GRM3: variants seen among roughly 807,000 people sequenced by gnomAD.
GRM3 encodes the protein glutamate metabotropic receptor 3, also known as metabotropic glutamate receptor 3.
A neutral mutation model predicts 70.5 loss-of-function variants in GRM3; 26 were observed. That is an observed-to-expected ratio of 0.37 (90% CI 0.27 to 0.51). The LOEUF (loss-of-function observed/expected upper bound fraction) is 0.51, where lower values mean the gene tolerates loss of function less well. Ranked by LOEUF, GRM3 falls within the 20% of genes least tolerant of loss-of-function variation. The pLI, the probability that GRM3 is intolerant of heterozygous loss-of-function variation, is 0.93. For synonymous variants in GRM3, 443 were observed against 434.9 expected, an observed-to-expected ratio of 1.02 and a Z score of -0.23; for missense variants, 859 against 1,123.8, an observed-to-expected ratio of 0.76 and a Z score of 3.37.
chr7:86,734,906 T>G (rs1795820778), intron 1 of GRM3, among the ~76,000 whole-genome samples: 1 of 152,152 alleles, frequency 6.6e-6, no homozygotes, highest in South Asian at 2.1e-4. Flanking sequence ...CTACTACACT[T>G]GATAGAAAAT....
At position 86,655,820 on chromosome 7, in the gene GRM3, CTGTG is replaced by C. The variant is rs371609030; in HGVS notation, c.-141+10977_-141+10980del. 3.2e-3 allele frequency among the ~76,000 whole-genome samples: 456 copies of C among 144,544 alleles called. 4 individuals are homozygous for C. The highest frequency in any genetic ancestry group is 9.6e-3 in the African/African-American group (362 of 37,858). 94.8% of individuals were successfully genotyped at this position (144,544 alleles called of 152,430 possible). A position where few individuals can be genotyped will look rare whatever the true frequency, so the allele number is the denominator to read the frequency against. On this transcript the variant is annotated intron_variant, in intron 1 of 5. Transcript: ENST00000361669. ...GACCCCAAGATTTTTAAGGCTAACT[CTGTG>C]TGTGTGTGTGTGTGTGTGTGTGTGT...
intron 1 of GRM3, among the ~76,000 whole-genome samples, chr7:86,692,957 C>T (rs1794727795): frequency 6.6e-6 from 1 of 152,136 alleles, no homozygotes; most frequent in Non-Finnish European, 1.5e-5. Context: ...TCAGGACCTA[C>T]AGACTGGACA....
chr7:86,743,356 A>G (rs1167113994), intron 1 of GRM3, among the ~76,000 whole-genome samples: 1 of 152,100 alleles, frequency 6.6e-6, no homozygotes, highest in East Asian at 1.9e-4. Flanking sequence ...ACACACAGAA[A>G]CATACCTAAA....
intron 1 of GRM3, among the ~76,000 whole-genome samples, chr7:86,687,802 G>T (rs559683329): frequency 1.3e-5 from 2 of 151,696 alleles, no homozygotes; most frequent in African/African-American, 4.8e-5. Context: ...ACAAAAGGTC[G>T]AAAGGGAATG....
In GRM3 at chr7:86,834,197, T is replaced by C. The variant is rs578045722; in HGVS notation, c.1325-4642T>C. ...ACACACTTATAAGAAATCAGAAAAG[T>C]TTCTTGCTTCATCCTTCCCCAAGCT... On this transcript the variant is annotated intron_variant, in intron 3 of 5. Coordinates refer to ENST00000361669, the MANE Select transcript of GRM3 (RefSeq NM_000840.3). Among the ~76,000 whole-genome samples the C allele has an allele frequency of 1.4e-4, 21 of 152,318 alleles. No homozygotes were observed. In the East Asian group the frequency reaches 4.1e-3, roughly 29 times the overall value.
At chr7:86,725,585 C>T (rs1795573466) in intron 1 of GRM3, among the ~76,000 whole-genome samples, 1 of 152,166 alleles carries the variant, frequency 6.6e-6, no homozygotes, top group Non-Finnish European at 1.5e-5. Context: ...ATCAACAATA[C>T]AGCAGCAAAG....
At chr7:86,855,833 A>C (rs2115588831) in intron 5 of GRM3, among the ~76,000 whole-genome samples, 1 of 152,294 alleles carries the variant, frequency 6.6e-6, no homozygotes, top group East Asian at 1.9e-4. Flanking sequence ...TATAAAATAA[A>C]AGCATAACAC....
intron 1 of GRM3, among the ~76,000 whole-genome samples, chr7:86,738,784 A>AT (rs1268867076): frequency 1.3e-5 from 2 of 152,224 alleles, no homozygotes; most frequent in African/African-American, 4.8e-5. Flanking sequence ...TAATTGATAG[A>AT]TAAAAAATGA....
intron 3 of GRM3, among the ~76,000 whole-genome samples, chr7:86,822,819 A>T (rs371248364): frequency 1.3e-5 from 2 of 152,228 alleles, no homozygotes; most frequent in Non-Finnish European, 2.9e-5. Context: ...CAATCTCTGG[A>T]TGATCCTCAA....
At chr7:86,686,104 T>C (rs1255959836) in intron 1 of GRM3, among the ~76,000 whole-genome samples, 1 of 152,032 alleles carries the variant, frequency 6.6e-6, no homozygotes, top group Non-Finnish European at 1.5e-5. Context: ...CTATAAACCA[T>C]TAAACCCCTG....
At chr7:86,838,323 A>G (rs1232505864) in intron 3 of GRM3, among the ~76,000 whole-genome samples, 1 of 152,156 alleles carries the variant, frequency 6.6e-6, no homozygotes, top group East Asian at 1.9e-4. Context: ...AATCATCTGA[A>G]CTATTGAAAA....
At chr7:86,648,144 C>A (rs1584136615) in intron 1 of GRM3, among the ~76,000 whole-genome samples, 1 of 152,144 alleles carries the variant, frequency 6.6e-6, no homozygotes, top group East Asian at 1.9e-4. Flanking sequence ...GTCCAGACAT[C>A]TTTGCTAAAT....
At chr7:86,693,760 T>C (rs186987055) in intron 1 of GRM3, among the ~76,000 whole-genome samples, 406 of 152,304 alleles carry the variant, frequency 2.7e-3, no homozygotes, top group Non-Finnish European at 4.1e-3. Context: ...GAAACTCAAT[T>C]CATTGCAATG....
intron 3 of GRM3, among the ~76,000 whole-genome samples, chr7:86,787,434 T>A (rs1317254849): frequency 6.6e-6 from 1 of 152,216 alleles, no homozygotes; most frequent in East Asian, 1.9e-4. Context: ...GATTATGGCA[T>A]GTGTGATATG....
rs1040797085 is a variant in GRM3 at position 86,669,133 on chromosome 7, G to A, written c.-141+24261G>A. On this transcript the variant is annotated intron_variant, in intron 1 of 5. Coordinates refer to ENST00000361669, the MANE Select transcript of GRM3 (RefSeq NM_000840.3). ...ACTAGATGGAATATGTAATCAAATC[G>A]AAGCCCAAAGTGAATGTGCTGAAAC... 5.3e-5 allele frequency among the ~76,000 whole-genome samples: 8 copies of A among 152,184 alleles called. 1 individual carries two copies. The highest frequency in any genetic ancestry group is 2.1e-4 in the South Asian group (1 of 4,826).
chr7:86,697,816 T>C (rs1372499504), intron 1 of GRM3, among the ~76,000 whole-genome samples: 2 of 152,080 alleles, frequency 1.3e-5, no homozygotes, highest in Non-Finnish European at 2.9e-5. Context: ...AAAGCTCTTC[T>C]AAAAGAGATA....
chr7:86,765,323 A>G lies in GRM3; in HGVS notation c.178A>G (p.Ile60Val). The G allele has an allele frequency of 5.0e-6, 8 of 1,613,928 alleles. No homozygotes were observed. Among genetic ancestry groups the G allele is most frequent in the Non-Finnish European group, 6.8e-6 (8 of 1,179,888 alleles). The change falls in exon 2 of 6, where the codon ATC (isoleucine) becomes GTC (valine). Residue 60 changes from isoleucine to valine, a missense_variant. Coordinates refer to ENST00000361669, the MANE Select transcript of GRM3 (RefSeq NM_000840.3). ...KGTGTEECGR[I>V]NEDRGIQRLE... ...CACTGGAACTGAAGAATGTGGGCGA[A>G]TCAATGAAGACCGAGGGATTCAACG...
At chr7:86,740,808 G>A (rs1050350540) in intron 1 of GRM3, among the ~76,000 whole-genome samples, 4 of 151,796 alleles carry the variant, frequency 2.6e-5, no homozygotes, top group East Asian at 3.9e-4. Flanking sequence ...CAAAACCTGC[G>A]TTGGTTGGTC....
intron 1 of GRM3, among the ~76,000 whole-genome samples, chr7:86,755,198 G>GA (rs112807354): frequency 0.024 from 3,455 of 143,070 alleles, 112 homozygotes; most frequent in African/African-American, 0.08. Context: ...TAGTTTCCAG[G>GA]AAAAAAAAAA....
Sources: allele counts gnomAD v4.1 joint callset (sites outside exome capture counted in the v4.1 genomes callset), GRCh38; gene constraint gnomAD v4.1.1; transcripts MANE v1.5; gene names NCBI Gene and HGNC (gene_info 2026-07-23, HGNC 2026-07-21).